PCSK2: variants seen among roughly 807,000 people sequenced by gnomAD.
PCSK2 encodes the protein neuroendocrine convertase 2.
A neutral mutation model predicts 69.7 loss-of-function variants in PCSK2; 14 were observed. That is an observed-to-expected ratio of 0.20 (90% CI 0.13 to 0.31). The LOEUF is 0.31. Among genes scored for constraint, PCSK2 ranks in the 10% least tolerant of loss-of-function variants. The pLI, the probability that PCSK2 is intolerant of heterozygous loss-of-function variation, is 1.00. For missense variants in PCSK2, 544 were observed against 842.5 expected, an observed-to-expected ratio of 0.65 and a Z score of 4.39; for synonymous variants, 307 against 320.7, an observed-to-expected ratio of 0.96 and a Z score of 0.46.
chr20:17,353,606 C>T (rs1054967232), intron 2 of PCSK2, among the ~76,000 whole-genome samples: 3 of 152,014 alleles, frequency 2.0e-5, no homozygotes, highest in African/African-American at 7.2e-5. Flanking sequence ...GAACCTAAAA[C>T]AAAATTATCA....
chr20:17,429,416 T>A lies in PCSK2; in HGVS notation c.621-19T>A, dbSNP rs2032318961. On this transcript the variant is annotated intron_variant, in intron 6 of 11. Transcript: ENST00000262545. ...TTCGTTTCACTGCATATCTAATGTG[T>A]CTTTATATTTTTCCAAAGCCACGGG... The A allele has an allele frequency of 6.3e-7, 1 of 1,598,152 alleles. No individual in the cohort carries two copies. The highest frequency in any genetic ancestry group is 1.7e-5 in the Admixed American group (1 of 59,916).
chr20:17,280,894 A>G (rs1988283729), intron 2 of PCSK2, among the ~76,000 whole-genome samples: 1 of 152,070 alleles, frequency 6.6e-6, no homozygotes, highest in African/African-American at 2.4e-5. Flanking sequence ...AGTTGTTCCG[A>G]TTTGCTTTTC....
chr20:17,440,666 G>A (rs148896822), intron 8 of PCSK2, among the ~76,000 whole-genome samples: 1 of 152,234 alleles, frequency 6.6e-6, no homozygotes, highest in Non-Finnish European at 1.5e-5. Context: ...TTCAAGACCA[G>A]CCTGATCAAA....
chr20:17,320,877 G>A (rs114697141), intron 2 of PCSK2, among the ~76,000 whole-genome samples: 1,749 of 152,242 alleles, frequency 0.011, 26 homozygotes, highest in African/African-American at 0.039. Flanking sequence ...CTTAACCATC[G>A]CCGGAGTACT....
chr20:17,366,669 A>C (rs2030600713), intron 4 of PCSK2, among the ~76,000 whole-genome samples: 1 of 152,220 alleles, frequency 6.6e-6, no homozygotes, highest in Non-Finnish European at 1.5e-5. Context: ...TCCATTCTTC[A>C]GTCCATTATT....
At chr20:17,385,364 C>A (rs779072869) in intron 5 of PCSK2, among the ~76,000 whole-genome samples, 1 of 152,174 alleles carries the variant, frequency 6.6e-6, no homozygotes, top group African/African-American at 2.4e-5. Context: ...GGGCATAGCA[C>A]CCTCATTTGA....
intron 8 of PCSK2, among the ~76,000 whole-genome samples, chr20:17,448,139 A>G (rs2032735710): frequency 6.6e-6 from 1 of 152,204 alleles, no homozygotes; most frequent in Non-Finnish European, 1.5e-5. Flanking sequence ...GGAAAATAAA[A>G]ATTACTATAA....
At chr20:17,481,536 G>T in intron 11 of PCSK2, 48 bp from the exon 12 acceptor site, 2 of 1,574,748 alleles carry the variant, frequency 1.3e-6, no homozygotes, top group South Asian at 1.2e-5. Context: ...TCCCTTGTAA[G>T]GTGCACCCAC....
intron 1 of PCSK2, among the ~76,000 whole-genome samples, chr20:17,248,653 G>T (rs144322248): frequency 2.6e-5 from 4 of 152,140 alleles, no homozygotes; most frequent in African/African-American, 9.7e-5. Context: ...GAGTAAGCTC[G>T]TCAGAGGTTC....
intron 1 of PCSK2, among the ~76,000 whole-genome samples, chr20:17,228,536 T>C (rs1384382436): frequency 1.3e-5 from 2 of 152,108 alleles, no homozygotes; most frequent in Non-Finnish European, 2.9e-5. Flanking sequence ...GAGATGTGGC[T>C]ACCAGAGGGC....
chr20:17,372,721 C>G (rs2030807437), intron 5 of PCSK2, among the ~76,000 whole-genome samples: 2 of 152,092 alleles, frequency 1.3e-5, no homozygotes, highest in South Asian at 4.1e-4. Context: ...AATGTTCTGC[C>G]TCTGGTATAG....
At chr20:17,413,983 A>G (rs1369185714) in intron 6 of PCSK2, among the ~76,000 whole-genome samples, 3 of 152,248 alleles carry the variant, frequency 2.0e-5, no homozygotes, top group Admixed American at 6.5e-5. Context: ...TTTGAAACCA[A>G]TGAGAACAAA....
chr20:17,298,300 T>A (rs6136053), intron 2 of PCSK2, among the ~76,000 whole-genome samples: 14,157 of 152,220 alleles, frequency 0.093, 790 homozygotes, highest in African/African-American at 0.15. Context: ...ACAGTCTACA[T>A]TTTATGACTC....
intron 11 of PCSK2, among the ~76,000 whole-genome samples, chr20:17,470,528 T>C (rs1461919628): frequency 6.6e-6 from 1 of 152,148 alleles, no homozygotes; most frequent in Non-Finnish European, 1.5e-5. Context: ...GCCTCATGCC[T>C]TCCCCCAGCA....
At chr20:17,265,638 T>C (rs1987569695) in intron 2 of PCSK2, among the ~76,000 whole-genome samples, 1 of 152,204 alleles carries the variant, frequency 6.6e-6, no homozygotes, top group Non-Finnish European at 1.5e-5. Context: ...TATTCTCATT[T>C]CCTTGTAGCA....
chr20:17,295,478 T>A (rs1270110779), intron 2 of PCSK2, among the ~76,000 whole-genome samples: 2 of 149,380 alleles, frequency 1.3e-5, no homozygotes, highest in Admixed American at 6.7e-5. Flanking sequence ...GCCTCATTTT[T>A]ATTTACTTAT....
chr20:17,356,434 A>G (rs2030199166), intron 2 of PCSK2, among the ~76,000 whole-genome samples: 2 of 152,204 alleles, frequency 1.3e-5, no homozygotes, highest in South Asian at 4.1e-4. Flanking sequence ...AATGAGCTTC[A>G]GGCCTTCTCA....
intron 5 of PCSK2, among the ~76,000 whole-genome samples, chr20:17,403,327 C>T (rs1314307502): frequency 6.6e-6 from 1 of 152,140 alleles, no homozygotes; most frequent in Non-Finnish European, 1.5e-5. Flanking sequence ...CTTTAATGTT[C>T]GTTTCAGTCA....
At chr20:17,427,928 C>T (rs1000253360) in intron 6 of PCSK2, among the ~76,000 whole-genome samples, 2 of 152,186 alleles carry the variant, frequency 1.3e-5, no homozygotes, top group African/African-American at 2.4e-5. Context: ...GGCCCAGGCT[C>T]ATCACTTCTG....
Sources: allele counts gnomAD v4.1 joint callset (sites outside exome capture counted in the v4.1 genomes callset), GRCh38; gene constraint gnomAD v4.1.1; transcripts MANE v1.5; gene names NCBI Gene and HGNC (gene_info 2026-07-23, HGNC 2026-07-21).